Variants in ARID4B observed in about 807,000 individuals in gnomAD.
The protein encoded by ARID4B is AT-rich interactive domain-containing protein 4B.
ARID4B carries 26 observed loss-of-function variants against 147.5 expected under a neutral mutation model. The observed-to-expected ratio is 0.18, with a 90% confidence interval of 0.13 to 0.24. The LOEUF is 0.24. ARID4B is among the 10% of genes least tolerant of loss of function. ARID4B has a pLI of 1.00. For missense variants in ARID4B, 1,179 were observed against 1,511.5 expected (o/e 0.78, Z 3.65); for synonymous variants, 512 against 507.9 (o/e 1.01, Z -0.11).
chr1:235,323,472 A>T (rs1674990839), intron 2 of ARID4B, among the ~76,000 whole-genome samples: 1 of 152,160 alleles, frequency 6.6e-6, no homozygotes, highest in African/African-American at 2.4e-5. Flanking sequence ...ATACAGGAAA[A>T]AAAAGTTTGA....
rs192714749 is a variant in ARID4B at position 235,317,111 on chromosome 1, A to G, written c.6+9803T>C. On this transcript the variant is annotated intron_variant, in intron 2 of 23. Transcript: ENST00000264183. ...TAAATGTTAACATTTCAGAAACAATATAATAAAAATTTTTTTCTGATTCTG... is the reference window on the plus strand; with the variant it reads ...TAAATGTTAACATTTCAGAAACAATGTAATAAAAATTTTTTTCTGATTCTG... Among the ~76,000 whole-genome samples, 670 of 152,336 alleles carry G rather than the reference A, an allele frequency of 4.4e-3. 2 individuals are homozygous for G. Among genetic ancestry groups the G allele is most frequent in the Non-Finnish European group, 4.5e-3 (304 of 68,036 alleles).
At chr1:235,194,304 T>C (rs1665337581) in intron 18 of ARID4B, 93 bp from the exon 19 acceptor site, 1 of 928,924 alleles carries the variant, frequency 1.1e-6, no homozygotes, top group Non-Finnish European at 1.6e-6. Context: ...TTACAGAATA[T>C]GTTGTTAAAT....
chr1:235,318,729 A>G (rs879288204), intron 2 of ARID4B, among the ~76,000 whole-genome samples: 23 of 152,006 alleles, frequency 1.5e-4, no homozygotes, highest in Admixed American at 6.6e-5. Flanking sequence ...AAAAATTCCA[A>G]AATTTGCTGG....
rs754404854 is a variant in ARID4B, at chr1:235,231,196, AT to A, written c.666-8del. 1.6e-4 allele frequency: 214 copies of A among 1,321,238 alleles called. No individual in the cohort carries two copies. Among genetic ancestry groups the A allele is most frequent in the Middle Eastern group, 8.2e-4 (3 of 3,656 alleles). The allele number at this position is 1,321,238 out of a possible 1,614,324, so 81.8% of individuals were successfully genotyped here. ...TTTTCTTGGAACTGAAGTACTATAT[AT>A]TTTTTTTAATTATAAGAGAAGAAAA... On this transcript the variant is annotated splice_polypyrimidine_tract_variant and splice_region_variant and intron_variant, in intron 9 of 23. Coordinates refer to ENST00000264183, the MANE Select transcript of ARID4B (RefSeq NM_016374.6).
At chr1:235,322,811 G>A (rs1389934608) in intron 2 of ARID4B, among the ~76,000 whole-genome samples, 1 of 151,668 alleles carries the variant, frequency 6.6e-6, no homozygotes, top group African/African-American at 2.4e-5. Flanking sequence ...AGGAAGAGGG[G>A]GAAGGAAAAG....
At chr1:235,244,714 T>TAACTTTACATA (rs2103080098) in intron 7 of ARID4B, among the ~76,000 whole-genome samples, 1 of 152,272 alleles carries the variant, frequency 6.6e-6, no homozygotes, top group Admixed American at 6.5e-5. Flanking sequence ...TAAGAAGAGA[T>TAACTTTACATA]AACTTTACAT....
intron 2 of ARID4B, among the ~76,000 whole-genome samples, chr1:235,284,224 G>T (rs1169717390): frequency 6.6e-6 from 1 of 152,136 alleles, no homozygotes; most frequent in Admixed American, 6.5e-5. Flanking sequence ...GCTGGACGTG[G>T]TGGCAGGCAC....
At chr1:235,203,587 C>A (rs10925099) in intron 17 of ARID4B, among the ~76,000 whole-genome samples, 43,248 of 151,852 alleles carry the variant, frequency 0.28, 7,472 homozygotes, top group South Asian at 0.53. Context: ...CTATATTTTG[C>A]TTTCTATAAT....
intron 2 of ARID4B, among the ~76,000 whole-genome samples, chr1:235,303,658 G>C (rs1291026436): frequency 2.0e-5 from 3 of 152,160 alleles, no homozygotes; most frequent in African/African-American, 7.2e-5. Context: ...GAGCCCAGGG[G>C]TTCAAGGCTG....
chr1:235,228,354 G>A (rs1667975283), intron 11 of ARID4B: 2 of 144,568 alleles, frequency 1.4e-5, no homozygotes, highest in South Asian at 2.2e-4. Flanking sequence ...GTAGGGCAGT[G>A]GTAAATTCAC....
chr1:235,236,852 ATATATATATATTTTTTTTTTTTTT>A (rs1558233620), intron 8 of ARID4B, among the ~76,000 whole-genome samples: 27 of 38,064 alleles, frequency 7.1e-4, no homozygotes, highest in African/African-American at 2.2e-3. Flanking sequence ...ATATATATAT[ATATATATATATTTTTTTTTTTTTT>A]TTTTTTTTTT....
At position 235,200,918 on chromosome 1, in the gene ARID4B, C is replaced by T. The variant is rs141510770; in HGVS notation, c.1842-4803G>A. Among the ~76,000 whole-genome samples the T allele has an allele frequency of 2.6e-3, 397 of 152,134 alleles. 3 individuals carry two copies. Among genetic ancestry groups the T allele is most frequent in the African/African-American group, 9.2e-3 (380 of 41,506 alleles). Reference sequence around the variant, plus strand: ...TAGCACTTTGGGAGGCCGAGGAGGGCGGATCACAAGATCAGGTGTTCAACA... The same window carrying T: ...TAGCACTTTGGGAGGCCGAGGAGGGTGGATCACAAGATCAGGTGTTCAACA... On this transcript the variant is annotated intron_variant, in intron 17 of 23. Transcript: ENST00000264183.
intron 8 of ARID4B, among the ~76,000 whole-genome samples, chr1:235,236,733 G>C (rs1375054147): frequency 2.0e-5 from 3 of 148,238 alleles, no homozygotes; most frequent in Non-Finnish European, 4.5e-5. Flanking sequence ...GGCTGGTCTT[G>C]AACTCCTGAC....
At chr1:235,169,226 T>C (rs1242698055) in intron 23 of ARID4B, among the ~76,000 whole-genome samples, 1 of 151,844 alleles carries the variant, frequency 6.6e-6, no homozygotes, top group Non-Finnish European at 1.5e-5. Flanking sequence ...TGTTTCCTTT[T>C]TTCGTTTTTT....
chr1:235,269,401 G>A (rs1470727787), intron 2 of ARID4B, among the ~76,000 whole-genome samples: 3 of 152,086 alleles, frequency 2.0e-5, no homozygotes, highest in African/African-American at 4.8e-5. Flanking sequence ...ATTGTGCAAC[G>A]TTTTGCACTG....
chr1:235,228,979 A>G (rs1248562906), intron 11 of ARID4B: 2 of 387,186 alleles, frequency 5.2e-6, no homozygotes, highest in Non-Finnish European at 9.2e-6. Flanking sequence ...CATTAAAAAA[A>G]GCATAGGAAG....
chr1:235,309,983 G>A (rs1011547862), intron 2 of ARID4B, among the ~76,000 whole-genome samples: 6 of 151,992 alleles, frequency 3.9e-5, no homozygotes, highest in Admixed American at 6.6e-5. Context: ...AAGGCAGCAT[G>A]CTCCTTAAGA....
intron 6 of ARID4B, among the ~76,000 whole-genome samples, chr1:235,251,165 G>C (rs987442321): frequency 4.0e-5 from 6 of 149,774 alleles, no homozygotes; most frequent in Non-Finnish European, 8.9e-5. Flanking sequence ...AGTGAGGAAA[G>C]AAAGGATATT....
At chr1:235,187,065 C>T in intron 19 of ARID4B, 1 of 386,938 alleles carries the variant, frequency 2.6e-6, no homozygotes, top group Non-Finnish European at 4.9e-6. Flanking sequence ...TTCTTTTTCA[C>T]TGCATCTTAT....
Sources: allele counts gnomAD v4.1 joint callset (sites outside exome capture counted in the v4.1 genomes callset), GRCh38; gene constraint gnomAD v4.1.1; transcripts MANE v1.5; gene names NCBI Gene and HGNC (gene_info 2026-07-23, HGNC 2026-07-21).